Variants in ADAMTSL1 observed in about 807,000 individuals in gnomAD.
The protein encoded by ADAMTSL1 is ADAMTS like 1, also known as ADAMTS-like protein 1.
A neutral mutation model predicts 201.8 loss-of-function variants in ADAMTSL1; 126 were observed. That is an observed-to-expected ratio of 0.62 (90% CI 0.54 to 0.72). The LOEUF is 0.72. Ranked by LOEUF, ADAMTSL1 falls within the 30% of genes least tolerant of loss-of-function variation. The pLI, the probability that ADAMTSL1 is intolerant of heterozygous loss-of-function variation, is 0.00. For synonymous variants in ADAMTSL1, 1,121 were observed against 903.4 expected, an observed-to-expected ratio of 1.24 and a Z score of -4.32; for missense variants, 2,679 against 2,277.8, an observed-to-expected ratio of 1.18 and a Z score of -3.59.
chr9:18,625,164 C>T (rs1826280422), intron 5 of ADAMTSL1, among the ~76,000 whole-genome samples: 1 of 152,210 alleles, frequency 6.6e-6, no homozygotes, highest in East Asian at 1.9e-4. Context: ...CAGATCTCTC[C>T]CCTGTCTTCT....
chr9:18,418,802 C>A (rs1818808760), intron 2 of ADAMTSL1, among the ~76,000 whole-genome samples: 1 of 152,150 alleles, frequency 6.6e-6, no homozygotes, highest in Non-Finnish European at 1.5e-5. Context: ...CCATTCCACT[C>A]ACAATCCTAT....
chr9:18,736,940 G>T (rs1409361378), intron 15 of ADAMTSL1, among the ~76,000 whole-genome samples: 2 of 152,134 alleles, frequency 1.3e-5, no homozygotes, highest in African/African-American at 4.8e-5. Context: ...AAGCAGACTA[G>T]TATCTGAAAT....
chr9:18,053,243 G>A (rs1822015102), intron 1 of ADAMTSL1, among the ~76,000 whole-genome samples: 1 of 152,122 alleles, frequency 6.6e-6, no homozygotes, highest in Non-Finnish European at 1.5e-5. Flanking sequence ...GATGAGTACA[G>A]TACCTGCTCT....
At chr9:18,018,600 A>T (rs149363523) in intron 1 of ADAMTSL1, among the ~76,000 whole-genome samples, 1 of 152,028 alleles carries the variant, frequency 6.6e-6, no homozygotes, top group East Asian at 1.9e-4. Context: ...ATGCCCGTGT[A>T]TTAAGAAAGG....
At chr9:18,058,166 A>G (rs1822280939) in intron 1 of ADAMTSL1, among the ~76,000 whole-genome samples, 1 of 152,256 alleles carries the variant, frequency 6.6e-6, no homozygotes, top group Non-Finnish European at 1.5e-5. Flanking sequence ...AAAGAATGCA[A>G]GAGTATTTTG....
intron 1 of ADAMTSL1, among the ~76,000 whole-genome samples, chr9:18,502,224 T>C (rs1454387218): frequency 6.6e-6 from 1 of 152,210 alleles, no homozygotes; most frequent in Non-Finnish European, 1.5e-5. Flanking sequence ...CATCAAAGTT[T>C]GTAATCACTC....
chr9:17,984,626 A>G (rs1217879955), intron 1 of ADAMTSL1, among the ~76,000 whole-genome samples: 6 of 152,158 alleles, frequency 3.9e-5, no homozygotes, highest in Non-Finnish European at 7.4e-5. Context: ...ATACCTTTCT[A>G]GAAGTGGAAA....
chr9:18,709,223 C>T (rs1466943752), intron 14 of ADAMTSL1, among the ~76,000 whole-genome samples: 1 of 152,056 alleles, frequency 6.6e-6, no homozygotes. Flanking sequence ...CCATATGATG[C>T]CCATATGCAC....
At chr9:18,145,504 A>G (rs1268549255) in intron 1 of ADAMTSL1, among the ~76,000 whole-genome samples, 2 of 152,194 alleles carry the variant, frequency 1.3e-5, no homozygotes, top group South Asian at 2.1e-4. Context: ...CACTCTACCA[A>G]TTTTAAAATT....
At position 18,016,237 on chromosome 9, in the gene ADAMTSL1, A is replaced by G. The variant is rs145267284; in HGVS notation, c.87+109315A>G. Among the ~76,000 whole-genome samples the G allele has an allele frequency of 2.9e-3, 434 of 152,162 alleles. 2 individuals carry two copies. Among genetic ancestry groups the G allele is most frequent in the African/African-American group, 9.8e-3 (408 of 41,556 alleles). ...TTGTCATTGAATTTAGGACTCAAGT[A>G]TCTGTGAATACCAGAGTACCCAGCT... On this transcript the variant is annotated intron_variant, in intron 1 of 29. Transcript: ENST00000680146.
intron 2 of ADAMTSL1, among the ~76,000 whole-genome samples, chr9:18,350,630 T>C (rs1362086130): frequency 5.3e-5 from 8 of 152,112 alleles, no homozygotes; most frequent in Admixed American, 5.2e-4. Flanking sequence ...ATAAAGCAAG[T>C]TCTGGAGAGT....
chr9:18,519,262 C>T (rs1282876831), intron 2 of ADAMTSL1, among the ~76,000 whole-genome samples: 1 of 152,116 alleles, frequency 6.6e-6, no homozygotes, highest in Non-Finnish European at 1.5e-5. Context: ...TTCTTTAAAC[C>T]TTCTTGCCTT....
At chr9:18,258,621 T>C (rs1211232700) in intron 2 of ADAMTSL1, among the ~76,000 whole-genome samples, 4 of 152,196 alleles carry the variant, frequency 2.6e-5, no homozygotes, top group African/African-American at 9.6e-5. Flanking sequence ...CGCCAGTGCC[T>C]TCTCCAGGAC....
At chr9:18,788,169 T>C (rs1455535858) in intron 19 of ADAMTSL1, among the ~76,000 whole-genome samples, 1 of 152,188 alleles carries the variant, frequency 6.6e-6, no homozygotes, top group Non-Finnish European at 1.5e-5. Flanking sequence ...GAACCTCAAA[T>C]CTGTTGCCCA....
At chr9:18,827,704 G>C (rs1403031158) in intron 22 of ADAMTSL1, among the ~76,000 whole-genome samples, 1 of 152,162 alleles carries the variant, frequency 6.6e-6, no homozygotes, top group African/African-American at 2.4e-5. Context: ...ATGTATGGCT[G>C]CTACTGTGGC....
At chr9:18,363,854 G>A (rs1418270847) in intron 2 of ADAMTSL1, among the ~76,000 whole-genome samples, 1 of 152,138 alleles carries the variant, frequency 6.6e-6, no homozygotes, top group Admixed American at 6.5e-5. Flanking sequence ...AAACAAGCAA[G>A]ATAAAGAGAC....
chr9:18,018,687 C>T (rs1219646226), intron 1 of ADAMTSL1, among the ~76,000 whole-genome samples: 1 of 152,046 alleles, frequency 6.6e-6, no homozygotes, highest in Non-Finnish European at 1.5e-5. Context: ...ATTGAGTCTT[C>T]GGATGAGACC....
chr9:18,287,875 C>G (rs375420790), intron 2 of ADAMTSL1, among the ~76,000 whole-genome samples: 16 of 152,176 alleles, frequency 1.1e-4, no homozygotes, highest in African/African-American at 3.6e-4. Flanking sequence ...CTCCTCTAAT[C>G]CCATTCAAGT....
intron 10 of ADAMTSL1, among the ~76,000 whole-genome samples, chr9:18,678,757 T>A (rs962589843): frequency 6.6e-6 from 1 of 152,174 alleles, no homozygotes; most frequent in Non-Finnish European, 1.5e-5. Flanking sequence ...TGTGAATACA[T>A]ACTTATGTAT....
Sources: allele counts gnomAD v4.1 joint callset (sites outside exome capture counted in the v4.1 genomes callset), GRCh38; gene constraint gnomAD v4.1.1; transcripts MANE v1.5; gene names NCBI Gene and HGNC (gene_info 2026-07-23, HGNC 2026-07-21).